PCDH11X: variants seen among roughly 807,000 people sequenced by gnomAD.
The protein encoded by PCDH11X is protocadherin-11 X-linked.
Under a neutral mutation model 53.3 loss-of-function variants are expected in PCDH11X, and 18 were observed. The ratio of observed to expected loss-of-function variants is 0.34; its 90% CI spans 0.23 to 0.50. The LOEUF (loss-of-function observed/expected upper bound fraction) is 0.50. Among genes scored for constraint, PCDH11X ranks in the 20% least tolerant of loss-of-function variants. The probability of loss-of-function intolerance (pLI) is 0.98; values close to 1 mark genes in which losing one functional copy is unlikely to be tolerated. For synonymous variants in PCDH11X, 279 were observed against 393.3 expected (o/e 0.71, Z 3.44); for missense variants, 570 against 1,032.4 (o/e 0.55, Z 6.14).
chrX:91,844,563 T>C (rs897820467), intron 5 of PCDH11X, among the ~76,000 whole-genome samples: 4 of 109,539 alleles, frequency 3.7e-5, no homozygotes, highest in African/African-American at 6.7e-5. Flanking sequence ...CTTATTTTCC[T>C]ATCCCCTTTC....
intron 6 of PCDH11X, among the ~76,000 whole-genome samples, chrX:92,141,463 A>G (rs1037646633): frequency 8.9e-6 from 1 of 112,036 alleles, no homozygotes; most frequent in African/African-American, 3.2e-5. Flanking sequence ...AATTTAAGCC[A>G]GGCAAAGACA....
rs2072445998 is a variant in PCDH11X at position 92,438,694 on chromosome X, G to T, written c.3344-29605G>T. Among the ~76,000 whole-genome samples the T allele has an allele frequency of 1.8e-5, 2 of 111,315 alleles. 1 individual carries two copies. Among genetic ancestry groups the T allele is most frequent in the South Asian group, 7.6e-4 (2 of 2,637 alleles). Reference sequence around the variant, plus strand: ...TCACAGAGAAGGAGTTGAACCAGCAGGTCTTGCTAAGTTTCCTTCAGTCAC... The same window carrying T: ...TCACAGAGAAGGAGTTGAACCAGCATGTCTTGCTAAGTTTCCTTCAGTCAC... On this transcript the variant is annotated intron_variant, in intron 9 of 10. Coordinates refer to ENST00000682573, the MANE Select transcript of PCDH11X (RefSeq NM_032968.5).
At chrX:92,617,314 A>G (rs1464849505) in intron 10 of PCDH11X, among the ~76,000 whole-genome samples, 1 of 111,502 alleles carries the variant, frequency 9.0e-6, no homozygotes, top group Non-Finnish European at 1.9e-5. Flanking sequence ...TATTTTTTCC[A>G]TCAAGTTCTA....
chrX:92,558,311 T>C (rs962358836), intron 10 of PCDH11X, among the ~76,000 whole-genome samples: 2 of 111,427 alleles, frequency 1.8e-5, no homozygotes, highest in African/African-American at 6.5e-5. Flanking sequence ...AGACATATTG[T>C]AGAAAATAAA....
chrX:91,945,369 A>G (rs1195101147), intron 6 of PCDH11X, among the ~76,000 whole-genome samples: 1 of 106,976 alleles, frequency 9.3e-6, no homozygotes, highest in African/African-American at 3.4e-5. Flanking sequence ...CTACAATTTT[A>G]TGAAAGCAAG....
intron 9 of PCDH11X, among the ~76,000 whole-genome samples, chrX:92,390,373 G>A (rs1416909147): frequency 1.1e-3 from 28 of 26,544 alleles, no homozygotes; most frequent in Non-Finnish European, 1.2e-3. Flanking sequence ...CATAGTACGT[G>A]TGTGTGTGTG....
intron 8 of PCDH11X, among the ~76,000 whole-genome samples, chrX:92,364,914 C>T (rs1187641255): frequency 4.5e-5 from 2 of 44,697 alleles, no homozygotes; most frequent in African/African-American, 7.3e-5. Context: ...ACCCTTTCTA[C>T]AAAAAAAAAA....
At chrX:91,950,354 T>C (rs2147870619) in intron 6 of PCDH11X, among the ~76,000 whole-genome samples, 1 of 108,071 alleles carries the variant, frequency 9.3e-6, no homozygotes, top group African/African-American at 3.4e-5. Context: ...CCAGTCTATA[T>C]ACTTTTGCAT....
At chrX:91,814,828 G>A (rs944519091) in intron 4 of PCDH11X, among the ~76,000 whole-genome samples, 2 of 97,822 alleles carry the variant, frequency 2.0e-5, no homozygotes, top group African/African-American at 7.5e-5. Context: ...ATACCTAAAG[G>A]CATAGTTAAT....
intron 6 of PCDH11X, among the ~76,000 whole-genome samples, chrX:92,100,892 T>A (rs920267873): frequency 3.6e-5 from 4 of 110,609 alleles, no homozygotes; most frequent in South Asian, 3.9e-4. Flanking sequence ...TATTGTTGGG[T>A]TGTTAGAAGA....
Position 92,621,423 on chromosome X carries a change from T to A in PCDH11X, c.*2483T>A, listed in dbSNP as rs1418496116. 1.8e-5 allele frequency: 2 copies of A among 109,604 alleles called. No homozygotes were observed. Among genetic ancestry groups the A allele is most frequent in the Admixed American group, 9.9e-5 (1 of 10,142 alleles). The allele number at this position is 109,604 out of a possible 1,213,427, so 9.0% of individuals were successfully genotyped here. A position where few individuals can be genotyped will look rare whatever the true frequency, so the allele number is the denominator to read the frequency against. On this transcript the variant is annotated 3_prime_UTR_variant, in exon 11 of 11. Coordinates refer to ENST00000682573, the MANE Select transcript of PCDH11X (RefSeq NM_032968.5). ...ATACGCTTTTATTACCCTTTCTAAC[T>A]CTGATTTTATAATCAGACTTAGATT...
chrX:92,443,121 G>A (rs2072551582), intron 9 of PCDH11X, among the ~76,000 whole-genome samples: 1 of 107,998 alleles, frequency 9.3e-6, no homozygotes, highest in African/African-American at 3.4e-5. Context: ...ACTGTTGTGA[G>A]ATAGAGATAG....
At chrX:91,989,518 G>A (rs1240807484) in intron 6 of PCDH11X, among the ~76,000 whole-genome samples, 12 of 109,766 alleles carry the variant, frequency 1.1e-4, no homozygotes, top group East Asian at 5.8e-4. Context: ...AGCCCAGATC[G>A]TGCCACCGCA....
At chrX:91,802,932 C>G (rs12390365) in intron 1 of PCDH11X, among the ~76,000 whole-genome samples, 35,313 of 109,542 alleles carry the variant, frequency 0.32, 4,860 homozygotes, top group African/African-American at 0.51. Flanking sequence ...TACTTCTGGA[C>G]GAAGTGAGAT....
chrX:91,977,668 C>A (rs2062064721), intron 6 of PCDH11X, among the ~76,000 whole-genome samples: 1 of 110,746 alleles, frequency 9.0e-6, no homozygotes, highest in Non-Finnish European at 1.9e-5. Context: ...TCTTTTTTCT[C>A]ATTTCTCCAT....
intron 6 of PCDH11X, among the ~76,000 whole-genome samples, chrX:91,898,066 T>C (rs1940815603): frequency 9.0e-6 from 1 of 111,409 alleles, no homozygotes; most frequent in African/African-American, 3.3e-5. Context: ...TCTAGTGATA[T>C]CAAGATGTCT....
intron 6 of PCDH11X, among the ~76,000 whole-genome samples, chrX:92,174,229 GA>G (rs201018595): frequency 1.7e-4 from 18 of 105,501 alleles, no homozygotes; most frequent in Non-Finnish European, 2.9e-4. Context: ...AATACAAAAA[GA>G]AAAAAAAACC....
intron 7 of PCDH11X, among the ~76,000 whole-genome samples, chrX:92,256,702 C>G (rs2067595598): frequency 9.0e-6 from 1 of 111,016 alleles, no homozygotes; most frequent in Non-Finnish European, 1.9e-5. Flanking sequence ...TCTTGATACT[C>G]TTCCTCCTCC....
At chrX:91,885,620 G>A (rs1216664861) in intron 6 of PCDH11X, among the ~76,000 whole-genome samples, 1 of 110,236 alleles carries the variant, frequency 9.1e-6, no homozygotes, top group African/African-American at 3.3e-5. Context: ...ACTGAACTAA[G>A]GGAGAATACC....
Sources: allele counts gnomAD v4.1 joint callset (sites outside exome capture counted in the v4.1 genomes callset), GRCh38; gene constraint gnomAD v4.1.1; transcripts MANE v1.5; gene names NCBI Gene and HGNC (gene_info 2026-07-23, HGNC 2026-07-21).